Variants in KLHDC1 observed in about 807,000 individuals in gnomAD.
KLHDC1 encodes the protein kelch domain-containing protein 1.
KLHDC1 carries 53 observed loss-of-function variants against 68.3 expected under a neutral mutation model. The ratio of observed to expected loss-of-function variants is 0.78; its 90% CI spans 0.62 to 0.98. KLHDC1 has a LOEUF of 0.98. Ranked by LOEUF, KLHDC1 falls within the 50% of genes least tolerant of loss-of-function variation. The pLI, the probability that KLHDC1 is intolerant of heterozygous loss-of-function variation, is 0.00. For synonymous variants in KLHDC1, 148 were observed against 159.0 expected, an observed-to-expected ratio of 0.93 and a Z score of 0.52; for missense variants, 470 against 492.3, an observed-to-expected ratio of 0.95 and a Z score of 0.43.
chr14:49,745,791 T>C (rs949484474), intron 12 of KLHDC1, among the ~76,000 whole-genome samples: 1 of 152,212 alleles, frequency 6.6e-6, no homozygotes, highest in African/African-American at 2.4e-5. Flanking sequence ...AGAAATGATG[T>C]TGGACAAGAA....
At chr14:49,702,919 T>C (rs949473829) in intron 1 of KLHDC1, among the ~76,000 whole-genome samples, 13 of 152,204 alleles carry the variant, frequency 8.5e-5, no homozygotes, top group Non-Finnish European at 1.8e-4. Context: ...CAGTGTGGTG[T>C]GCACCAGTGA....
chr14:49,740,214 T>C (rs1889027289), intron 11 of KLHDC1, 32 bp downstream of exon 11: 3 of 1,311,716 alleles, frequency 2.3e-6, no homozygotes, highest in African/African-American at 1.5e-5. Context: ...ATATTTCCTC[T>C]GAGTAGTTGT....
At chr14:49,732,853 C>A in intron 9 of KLHDC1, 37 bp downstream of exon 9, 1 of 995,880 alleles carries the variant, frequency 1.0e-6, no homozygotes, top group African/African-American at 1.6e-5. Context: ...ATTATTATCT[C>A]ATTCTTTTTT....
chr14:49,742,369 A>G (rs1889084288), intron 11 of KLHDC1, among the ~76,000 whole-genome samples: 1 of 152,210 alleles, frequency 6.6e-6, no homozygotes, highest in African/African-American at 2.4e-5. Context: ...TGACTTTCAA[A>G]TTAAGAATTC....
chr14:49,712,984 C>T (rs1408731400), intron 4 of KLHDC1, among the ~76,000 whole-genome samples: 3 of 134,258 alleles, frequency 2.2e-5, no homozygotes, highest in Non-Finnish European at 4.7e-5. Context: ...GAGTCCTGCT[C>T]TGTCACCCAG....
At chr14:49,714,755 A>T (rs1478251072) in intron 4 of KLHDC1, among the ~76,000 whole-genome samples, 4 of 151,156 alleles carry the variant, frequency 2.6e-5, no homozygotes, top group Non-Finnish European at 5.9e-5. Context: ...TGACTCAAAT[A>T]CTCTGACTCA....
intron 8 of KLHDC1, among the ~76,000 whole-genome samples, chr14:49,730,411 G>A (rs1489669099): frequency 6.6e-6 from 1 of 151,826 alleles, no homozygotes; most frequent in African/African-American, 2.4e-5. Flanking sequence ...TAGTAGAGAC[G>A]AGATTTCACC....
At position 49,699,891 on chromosome 14, in the gene KLHDC1, G is replaced by A. The variant is rs1445374309; in HGVS notation, c.96+6601G>A. On this transcript the variant is annotated intron_variant, in intron 1 of 12. Transcript: ENST00000359332. ...GCTACTGCAAGGAACATTAAAAGTT[G>A]TGAATAGCTTTTCCAAATTTAGGGG... 2.6e-5 allele frequency among the ~76,000 whole-genome samples: 4 copies of A among 152,250 alleles called. No individual in the cohort carries two copies. In the South Asian group the frequency reaches 6.2e-4, roughly 24 times the overall value.
chr14:49,696,634 G>A (rs1887750592), intron 1 of KLHDC1, among the ~76,000 whole-genome samples: 2 of 152,180 alleles, frequency 1.3e-5, no homozygotes, highest in Admixed American at 1.3e-4. Flanking sequence ...AGGGAATGTT[G>A]TGGCTGTATG....
intron 6 of KLHDC1, among the ~76,000 whole-genome samples, chr14:49,727,942 C>T (rs1037337221): frequency 3.3e-5 from 5 of 152,152 alleles, no homozygotes; most frequent in Non-Finnish European, 5.9e-5. Flanking sequence ...AGGCACCCAC[C>T]ATGAAAATAT....
intron 4 of KLHDC1, among the ~76,000 whole-genome samples, chr14:49,712,028 C>T (rs1199633593): frequency 6.7e-6 from 1 of 149,448 alleles, no homozygotes; most frequent in Non-Finnish European, 1.5e-5. Flanking sequence ...AGCAATTCTC[C>T]TGCCTCAGCC....
chr14:49,703,636 C>T (rs542516580), intron 1 of KLHDC1, among the ~76,000 whole-genome samples: 1 of 152,190 alleles, frequency 6.6e-6, no homozygotes, highest in South Asian at 2.1e-4. Flanking sequence ...AGCTCAGCCT[C>T]TTCCATGAAT....
At chr14:49,700,260 C>T (rs904392462) in intron 1 of KLHDC1, 2 of 171,790 alleles carry the variant, frequency 1.2e-5, no homozygotes, top group African/African-American at 2.4e-5. Context: ...CTCCTGACCT[C>T]AATTGATCCA....
At chr14:49,732,465 G>A (rs1045742092) in intron 8 of KLHDC1, among the ~76,000 whole-genome samples, 6 of 152,184 alleles carry the variant, frequency 3.9e-5, no homozygotes, top group East Asian at 1.9e-4. Flanking sequence ...GAGCCACCGC[G>A]TCGGCTGAGA....
intron 4 of KLHDC1, among the ~76,000 whole-genome samples, chr14:49,715,677 G>A (rs185557690): frequency 0.011 from 1,660 of 145,160 alleles, 111 homozygotes; most frequent in Admixed American, 0.096. Flanking sequence ...CCTGGGAGGC[G>A]GAGGTTGCAG....
intron 4 of KLHDC1, among the ~76,000 whole-genome samples, chr14:49,717,602 G>A (rs1319627972): frequency 6.6e-6 from 1 of 152,036 alleles, no homozygotes; most frequent in African/African-American, 2.4e-5. Flanking sequence ...TGTATTCTGG[G>A]TGTTGATCCC....
At position 49,729,169 on chromosome 14, in the gene KLHDC1, A is replaced by G. The variant is rs921238674; in HGVS notation, c.651+160A>G. On this transcript the variant is annotated intron_variant, in intron 7 of 12. Transcript: ENST00000359332. ...CTTCTAATTCATAAACAGACCATAC[A>G]TGAACAATCATAGATGATTATAAAT... 1.1e-4 allele frequency among the ~76,000 whole-genome samples: 16 copies of G among 152,238 alleles called. No individual in the cohort carries two copies. In the East Asian group the frequency reaches 2.5e-3, roughly 24 times the overall value.
At chr14:49,729,663 G>T in intron 8 of KLHDC1, 115 bp downstream of exon 8, 2 of 655,172 alleles carry the variant, frequency 3.1e-6, no homozygotes, top group Non-Finnish European at 5.4e-6. Context: ...CCTTCAGATC[G>T]TATGTCTAAG....
chr14:49,729,682 A>G (rs1363288859), intron 8 of KLHDC1, 134 bp downstream of exon 8: 1 of 588,154 alleles, frequency 1.7e-6, no homozygotes, highest in East Asian at 3.0e-5. Context: ...AGCAAGGACT[A>G]TATAGATTTA....
Sources: gnomAD v4.1 joint callset for allele counts (sites outside exome capture counted in the v4.1 genomes callset) on GRCh38, gnomAD v4.1.1 for gene constraint, MANE v1.5 for transcripts, NCBI Gene and HGNC (gene_info 2026-07-23, HGNC 2026-07-21) for gene names.